The following EHBP1 variants were observed in gnomAD, a reference collection of about 807,000 sequenced individuals.
The protein encoded by EHBP1 is EH domain-binding protein 1.
EHBP1 carries 55 observed loss-of-function variants against 144.0 expected under a neutral mutation model. The observed-to-expected ratio is 0.38, with a 90% CI of 0.31 to 0.48. EHBP1 has a LOEUF of 0.48. EHBP1 is among the 20% of genes least tolerant of loss of function. The probability of loss-of-function intolerance (pLI) is 0.98; values close to 1 mark genes in which losing one functional copy is unlikely to be tolerated. For synonymous variants in EHBP1, 469 were observed against 472.7 expected (o/e 0.99, Z 0.10); for missense variants, 1,200 against 1,364.2 (o/e 0.88, Z 1.90).
At chr2:62,717,467 C>T (rs1446116055) in intron 2 of EHBP1, among the ~76,000 whole-genome samples, 6 of 152,132 alleles carry the variant, frequency 3.9e-5, no homozygotes, top group Non-Finnish European at 8.8e-5. Context: ...TCATATTCTA[C>T]ATTAGGACTT....
At chr2:62,781,002 G>A (rs1245673750) in intron 5 of EHBP1, among the ~76,000 whole-genome samples, 2 of 152,066 alleles carry the variant, frequency 1.3e-5, no homozygotes, top group East Asian at 3.9e-4. Flanking sequence ...ACTCATAATT[G>A]CTTATTTATC....
intron 7 of EHBP1, among the ~76,000 whole-genome samples, chr2:62,852,405 CTAT>C (rs879266431): frequency 1.3e-4 from 19 of 151,884 alleles, no homozygotes; most frequent in Non-Finnish European, 2.4e-4. Context: ...TAATTAACTG[CTAT>C]TATTTCTTTT....
intron 5 of EHBP1, among the ~76,000 whole-genome samples, chr2:62,791,528 A>T (rs954545019): frequency 1.3e-5 from 2 of 152,052 alleles, no homozygotes; most frequent in African/African-American, 4.8e-5. Flanking sequence ...TTTGAATAAT[A>T]TAAGAACATT....
intron 2 of EHBP1, among the ~76,000 whole-genome samples, chr2:62,728,391 T>G (rs1342913831): frequency 6.6e-6 from 1 of 152,236 alleles, no homozygotes; most frequent in Non-Finnish European, 1.5e-5. Context: ...TTTCTTCATT[T>G]CCTCACCAAC....
chr2:62,695,720 T>A (rs2034063985), intron 1 of EHBP1, among the ~76,000 whole-genome samples: 1 of 152,228 alleles, frequency 6.6e-6, no homozygotes, highest in Non-Finnish European at 1.5e-5. Context: ...TTATTATTTT[T>A]ATTTATTTTT....
At chr2:62,843,051 TAGAC>T (rs1020514427) in intron 7 of EHBP1, among the ~76,000 whole-genome samples, 1 of 152,238 alleles carries the variant, frequency 6.6e-6, no homozygotes, top group Non-Finnish European at 1.5e-5. Flanking sequence ...AATTTTCTTT[TAGAC>T]AGTTTAAAAT....
chr2:62,773,850 C>CAAAAAAAAAAAAAAAA (rs570715468), intron 5 of EHBP1, among the ~76,000 whole-genome samples: 3 of 41,540 alleles, frequency 7.2e-5, no homozygotes, highest in African/African-American at 9.5e-5. Context: ...GACTCCATCT[C>CAAAAAAAAAAAAAAAA]AAAAAAAAAA....
intron 7 of EHBP1, among the ~76,000 whole-genome samples, chr2:62,858,146 C>T (rs2049219481): frequency 1.3e-5 from 2 of 151,892 alleles, no homozygotes; most frequent in South Asian, 2.1e-4. Flanking sequence ...GTTATTATCT[C>T]GTTTTGTGTT....
At chr2:62,795,215 C>T (rs949646007) in intron 5 of EHBP1, among the ~76,000 whole-genome samples, 5 of 152,052 alleles carry the variant, frequency 3.3e-5, no homozygotes, top group South Asian at 2.1e-4. Flanking sequence ...TGGAAGAACT[C>T]GTAAGGAAAA....
rs776715825 is a variant in EHBP1, at chr2:62,707,173, A to G, written c.-19A>G. ...TGTATTGCTAACCCAGAACTGCTCCAGTGTCTTGACTGATCATCATGGCTT... is the reference window on the plus strand; with the variant it reads ...TGTATTGCTAACCCAGAACTGCTCCGGTGTCTTGACTGATCATCATGGCTT... On this transcript the variant is annotated 5_prime_UTR_variant, in exon 2 of 23. Coordinates refer to ENST00000431489, the MANE Select transcript of EHBP1 (RefSeq NM_001142616.3). The G allele has an allele frequency of 6.2e-7, 1 of 1,605,310 alleles. No homozygotes were observed. Among genetic ancestry groups the G allele is most frequent in the Admixed American group, 1.7e-5 (1 of 60,012 alleles).
intron 10 of EHBP1, among the ~76,000 whole-genome samples, chr2:62,908,871 A>G (rs918626163): frequency 6.6e-6 from 1 of 152,180 alleles, no homozygotes; most frequent in Non-Finnish European, 1.5e-5. Context: ...TTCTCTAGTC[A>G]GGTTTGTTTT....
intron 2 of EHBP1, among the ~76,000 whole-genome samples, chr2:62,738,930 G>T (rs1327512000): frequency 6.6e-6 from 1 of 151,996 alleles, no homozygotes; most frequent in Non-Finnish European, 1.5e-5. Flanking sequence ...TCATATTGGA[G>T]GCTTTCATTA....
rs988513264 is a variant in EHBP1, at chr2:62,875,101, C to T, written c.1185+569C>T. Among the ~76,000 whole-genome samples the T allele has an allele frequency of 7.2e-5, 11 of 152,320 alleles. No individual in the cohort carries two copies. The South Asian group carries it at 2.3e-3, about 32-fold the overall frequency. On this transcript the variant is annotated intron_variant, in intron 10 of 22. Coordinates refer to ENST00000431489, the MANE Select transcript of EHBP1 (RefSeq NM_001142616.3). ...CAGCATGTAGGCACTGCTGCCCCATCCCTGCTGGTGTATGTGCACCCCACC... is the reference window on the plus strand; with the variant it reads ...CAGCATGTAGGCACTGCTGCCCCATTCCTGCTGGTGTATGTGCACCCCACC...
intron 10 of EHBP1, among the ~76,000 whole-genome samples, chr2:62,917,971 A>G (rs2054775230): frequency 6.6e-6 from 1 of 151,354 alleles, no homozygotes; most frequent in South Asian, 2.1e-4. Flanking sequence ...ATCTCAGCTC[A>G]CTGCAACCTC....
intron 1 of EHBP1, among the ~76,000 whole-genome samples, chr2:62,687,537 C>T (rs1483225239): frequency 1.3e-5 from 2 of 152,140 alleles, no homozygotes; most frequent in African/African-American, 2.4e-5. Flanking sequence ...TTTAGGAATT[C>T]CAAGTAGCCA....
intron 2 of EHBP1, among the ~76,000 whole-genome samples, chr2:62,720,754 TC>T (rs1233524549): frequency 3.3e-5 from 5 of 152,216 alleles, no homozygotes; most frequent in Non-Finnish European, 2.9e-5. Flanking sequence ...TCTTTTGGTT[TC>T]CCTGGGTCAC....
At chr2:62,741,490 T>C (rs1034749312) in intron 2 of EHBP1, among the ~76,000 whole-genome samples, 2 of 152,182 alleles carry the variant, frequency 1.3e-5, no homozygotes, top group Non-Finnish European at 2.9e-5. Context: ...TTCTTTACCC[T>C]ATTTCTGAAT....
At position 62,924,983 on chromosome 2, in the gene EHBP1, C is replaced by T. The variant is rs560839220; in HGVS notation, c.1186-17735C>T. On this transcript the variant is annotated intron_variant, in intron 10 of 22. Transcript: ENST00000431489. ...TACTAACAAATTGAGCGCAACAGTG[C>T]ATCAACGATGGCAATAGAAACTCCA... is the stretch of plus-strand genomic sequence containing the variant. 1.8e-4 allele frequency among the ~76,000 whole-genome samples: 28 copies of T among 152,266 alleles called. 2 individuals carry two copies. In the South Asian group the frequency reaches 5.8e-3, roughly 32 times the overall value.
chr2:62,714,595 G>C (rs1476600512), intron 2 of EHBP1, among the ~76,000 whole-genome samples: 1 of 152,162 alleles, frequency 6.6e-6, no homozygotes. Flanking sequence ...GATTAAGTAA[G>C]ATAATACCTG....
Sources: gnomAD v4.1 joint callset for allele counts (sites outside exome capture counted in the v4.1 genomes callset) on GRCh38, gnomAD v4.1.1 for gene constraint, MANE v1.5 for transcripts, NCBI Gene and HGNC (gene_info 2026-07-23, HGNC 2026-07-21) for gene names.